CNTNAP2: variants seen among roughly 807,000 people sequenced by gnomAD.
CNTNAP2 encodes the protein contactin-associated protein-like 2.
A neutral mutation model predicts 155.2 loss-of-function variants in CNTNAP2; 98 were observed. The observed-to-expected ratio is 0.63, with a 90% CI of 0.54 to 0.75. The LOEUF (loss-of-function observed/expected upper bound fraction) is 0.75, where lower values mean the gene tolerates loss of function less well. Among genes scored for constraint, CNTNAP2 ranks in the 30% least tolerant of loss-of-function variants. CNTNAP2 has a pLI of 0.00. For synonymous variants in CNTNAP2, 651 were observed against 631.2 expected (o/e 1.03, Z -0.47); for missense variants, 1,727 against 1,688.1 (o/e 1.02, Z -0.40).
chr7:148,077,869 G>A (rs181312067), intron 15 of CNTNAP2, among the ~76,000 whole-genome samples: 32 of 152,124 alleles, frequency 2.1e-4, no homozygotes, highest in African/African-American at 7.5e-4. Flanking sequence ...AATTCAGCAA[G>A]CTTCTGATGA....
chr7:146,894,190 G>T (rs891298972), intron 3 of CNTNAP2, among the ~76,000 whole-genome samples: 2 of 152,136 alleles, frequency 1.3e-5, no homozygotes, highest in African/African-American at 4.8e-5. Context: ...ACTGGAAAGG[G>T]CGTAAAGGAA....
chr7:146,678,861 A>G (rs1409177972), intron 1 of CNTNAP2, among the ~76,000 whole-genome samples: 2 of 152,220 alleles, frequency 1.3e-5, no homozygotes, highest in African/African-American at 4.8e-5. Flanking sequence ...ATTGCATTCT[A>G]ATACTTATAA....
chr7:147,022,312 A>T (rs1798830721), intron 3 of CNTNAP2, among the ~76,000 whole-genome samples: 1 of 152,134 alleles, frequency 6.6e-6, no homozygotes, highest in African/African-American at 2.4e-5. Context: ...CAGAAATACA[A>T]GTTTGAAGAA....
At chr7:146,402,042 T>A (rs1055609598) in intron 1 of CNTNAP2, among the ~76,000 whole-genome samples, 3 of 152,184 alleles carry the variant, frequency 2.0e-5, no homozygotes, top group Non-Finnish European at 2.9e-5. Flanking sequence ...ATAACTTTTA[T>A]AAGTATTATA....
chr7:146,957,457 C>G (rs569984401), intron 3 of CNTNAP2, among the ~76,000 whole-genome samples: 1 of 152,276 alleles, frequency 6.6e-6, no homozygotes, highest in South Asian at 2.1e-4. Context: ...CCATTTCACT[C>G]TGTGAGAATG....
intron 10 of CNTNAP2, among the ~76,000 whole-genome samples, chr7:147,448,484 GTATATA>G (rs10683190): frequency 1.4e-5 from 2 of 143,400 alleles, no homozygotes. Context: ...GTGTGTGTGT[GTATATA>G]TATATATATA....
chr7:147,570,684 A>C (rs557135033), intron 12 of CNTNAP2, among the ~76,000 whole-genome samples: 2 of 152,274 alleles, frequency 1.3e-5, no homozygotes, highest in African/African-American at 4.8e-5. Context: ...GGGTAATACT[A>C]TTGTTCTCCC....
chr7:147,494,028 G>A (rs748917404), intron 11 of CNTNAP2, among the ~76,000 whole-genome samples: 6 of 152,094 alleles, frequency 3.9e-5, no homozygotes, highest in South Asian at 2.1e-4. Flanking sequence ...GGAAAAGCTC[G>A]CATTCTCACC....
intron 9 of CNTNAP2, among the ~76,000 whole-genome samples, chr7:147,379,797 A>T (rs572397966): frequency 1.1e-4 from 16 of 152,000 alleles, no homozygotes; most frequent in Non-Finnish European, 2.2e-4. Context: ...GCACAGGTCT[A>T]TTACTTGATT....
At chr7:147,424,182 C>A (rs906387304) in intron 10 of CNTNAP2, among the ~76,000 whole-genome samples, 1 of 152,140 alleles carries the variant, frequency 6.6e-6, no homozygotes, top group Non-Finnish European at 1.5e-5. Context: ...TCTTCTTCAG[C>A]CAATTACATT....
At chr7:148,174,041 G>A (rs1390766894) in intron 18 of CNTNAP2, among the ~76,000 whole-genome samples, 1 of 152,040 alleles carries the variant, frequency 6.6e-6, no homozygotes, top group East Asian at 1.9e-4. Flanking sequence ...CAGATAAAGT[G>A]AAATGACGCC....
chr7:146,924,399 T>A (rs1796564544), intron 3 of CNTNAP2, among the ~76,000 whole-genome samples: 1 of 152,108 alleles, frequency 6.6e-6, no homozygotes, highest in Non-Finnish European at 1.5e-5. Context: ...AGGCATGGAA[T>A]CCCTACAGCC....
intron 2 of CNTNAP2, among the ~76,000 whole-genome samples, chr7:146,800,017 A>G (rs1428333411): frequency 1.3e-5 from 2 of 152,196 alleles, no homozygotes; most frequent in Admixed American, 1.3e-4. Context: ...ACATACTACA[A>G]TTATGAATAT....
At chr7:146,694,347 A>G (rs970434397) in intron 1 of CNTNAP2, among the ~76,000 whole-genome samples, 3 of 152,204 alleles carry the variant, frequency 2.0e-5, no homozygotes, top group African/African-American at 7.2e-5. Flanking sequence ...TTCCAGCATC[A>G]TTTGTTGAAA....
At chr7:147,869,482 A>T (rs1799291500) in intron 13 of CNTNAP2, among the ~76,000 whole-genome samples, 1 of 152,256 alleles carries the variant, frequency 6.6e-6, no homozygotes, top group African/African-American at 2.4e-5. Flanking sequence ...AGCCAAATTT[A>T]TGCAGACAAA....
chr7:148,094,246 T>A (rs1803913176), intron 15 of CNTNAP2, among the ~76,000 whole-genome samples: 1 of 152,218 alleles, frequency 6.6e-6, no homozygotes, highest in African/African-American at 2.4e-5. Context: ...ATCTATTTTT[T>A]AATGTTTTGT....
intron 1 of CNTNAP2, among the ~76,000 whole-genome samples, chr7:146,238,191 A>T (rs527413192): frequency 6.6e-6 from 1 of 152,198 alleles, no homozygotes; most frequent in Non-Finnish European, 1.5e-5. Context: ...ATATTTTCAT[A>T]AAGCTCTTCT....
intron 14 of CNTNAP2, among the ~76,000 whole-genome samples, chr7:147,974,580 G>C (rs548768502): frequency 6.6e-6 from 1 of 152,094 alleles, no homozygotes. Flanking sequence ...AGTCGAGATC[G>C]TGCCATTGCA....
intron 1 of CNTNAP2, among the ~76,000 whole-genome samples, chr7:146,393,084 G>A (rs113864840): frequency 6.6e-5 from 10 of 152,068 alleles, no homozygotes; most frequent in East Asian, 5.8e-4. Context: ...TGCTTTTTGC[G>A]CTTCTATTAT....
Sources: gnomAD v4.1 joint callset for allele counts (sites outside exome capture counted in the v4.1 genomes callset) on GRCh38, gnomAD v4.1.1 for gene constraint, MANE v1.5 for transcripts, NCBI Gene and HGNC (gene_info 2026-07-23, HGNC 2026-07-21) for gene names.